Variants in PPM1A observed in about 807,000 individuals in gnomAD.
PPM1A encodes the protein protein phosphatase, Mg2+/Mn2+ dependent 1A.
In PPM1A, 7 loss-of-function variants were observed where a neutral mutation model predicts 35.0. The ratio of observed to expected loss-of-function variants is 0.20; its 90% CI spans 0.11 to 0.38. The LOEUF is 0.38. Ranked by LOEUF, PPM1A falls within the 10% of genes least tolerant of loss-of-function variation. The pLI, the probability that PPM1A is intolerant of heterozygous loss-of-function variation, is 1.00. For missense variants in PPM1A, 239 were observed against 467.8 expected (o/e 0.51, Z 4.51); for synonymous variants, 153 against 167.3 (o/e 0.91, Z 0.66).
Position 60,298,397 on chromosome 14 carries a change from A to G in PPM1A, c.*5915A>G, listed in dbSNP as rs1447976891. The G allele has an allele frequency of 1.3e-5, 2 of 151,924 alleles. No individual in the cohort carries two copies. Among genetic ancestry groups the G allele is most frequent in the East Asian group, 3.9e-4 (2 of 5,180 alleles). The allele number at this position is 151,924 out of a possible 1,614,324, so 9.4% of individuals were successfully genotyped here. On this transcript the variant is annotated 3_prime_UTR_variant, in exon 6 of 6. Transcript: ENST00000395076. The stretch of plus-strand genomic sequence containing the variant: ...TACTAATTCAGGATGTTAAAATAAC[A>G]TCCAAGTCGGACAACCACCACCAAT...
chr14:60,282,808 A>G lies in PPM1A; in HGVS notation c.105A>G (p.Glu35=), dbSNP rs1161549579. ...GLSSMQGWRV[E]MEDAHTAVIG... Reference sequence around the variant, plus strand: ...GCAGCATGCAAGGCTGGCGTGTTGAAATGGAGGATGCACATACGGCTGTGA... The same window carrying G: ...GCAGCATGCAAGGCTGGCGTGTTGAGATGGAGGATGCACATACGGCTGTGA... The change falls in exon 2 of 6, where the codon GAA becomes GAG. Residue 35 remains glutamate (E), a synonymous_variant. Transcript: ENST00000395076. This position sits in a 1 kb window ranked among gnomAD's most constrained non-coding sequence, Gnocchi z 5.1. The G allele has an allele frequency of 6.2e-7, 1 of 1,614,074 alleles. No individual in the cohort carries two copies. Among genetic ancestry groups the G allele is most frequent in the Non-Finnish European group, 8.5e-7 (1 of 1,180,054 alleles).
chr14:60,268,247 G>T, intron 1 of PPM1A: 1 of 971,924 alleles, frequency 1.0e-6, no homozygotes, highest in African/African-American at 1.8e-5. Flanking sequence ...GAGCTCTGAA[G>T]TTTTTTGAGG....
chr14:60,271,291 A>C (rs887646017), intron 1 of PPM1A, among the ~76,000 whole-genome samples: 1 of 152,234 alleles, frequency 6.6e-6, no homozygotes, highest in Admixed American at 6.5e-5. Flanking sequence ...TGGATAATCC[A>C]GGATCCTCTC....
chr14:60,270,555 G>A (rs1285102103), intron 1 of PPM1A, among the ~76,000 whole-genome samples: 1 of 152,010 alleles, frequency 6.6e-6, no homozygotes, highest in Non-Finnish European at 1.5e-5. Context: ...ATTATACTAG[G>A]ATACCATTAC....
intron 1 of PPM1A, chr14:60,277,164 T>G (rs942283960): frequency 2.3e-6 from 1 of 430,002 alleles, no homozygotes; most frequent in African/African-American, 2.1e-5. Flanking sequence ...TGGGATTTAC[T>G]ATTTATGGAT....
rs1273967523 is a variant in PPM1A, at chr14:60,294,043, A to G, written c.*1561A>G. The G allele has an allele frequency of 6.6e-6, 1 of 151,942 alleles. No individual in the cohort carries two copies. Among genetic ancestry groups the G allele is most frequent in the South Asian group, 2.1e-4 (1 of 4,836 alleles). 9.4% of individuals were successfully genotyped at this position (151,942 alleles called of 1,614,324 possible). On this transcript the variant is annotated 3_prime_UTR_variant, in exon 6 of 6. Coordinates refer to ENST00000395076, the MANE Select transcript of PPM1A (RefSeq NM_021003.5). ...AAAACTGTTGAAATGTAAGACTAAAATACAACATTGAATACAAAATCAAAA... is the reference window on the plus strand; with the variant it reads ...AAAACTGTTGAAATGTAAGACTAAAGTACAACATTGAATACAAAATCAAAA...
rs1270431124 is a variant in PPM1A at position 60,273,079 on chromosome 14, C to G, written c.-20-9605C>G. Among the ~76,000 whole-genome samples, 3 of 152,294 alleles carry G rather than the reference C, an allele frequency of 2.0e-5. No individual in the cohort carries two copies. In the East Asian group the frequency reaches 5.8e-4, roughly 29 times the overall value. ...TCTCATTTCTTTGATGATAGCTTCT[C>G]TGTTTCTCCTTCAGAAAGTCTTGTT... On this transcript the variant is annotated intron_variant, in intron 1 of 5. Transcript: ENST00000395076. The surrounding 1 kb of genome is among the most constrained non-coding windows in gnomAD (Gnocchi z 4.3).
chr14:60,290,549 A>T (rs1456092180), intron 4 of PPM1A, among the ~76,000 whole-genome samples: 25 of 152,204 alleles, frequency 1.6e-4, no homozygotes, highest in Admixed American at 1.6e-3. Flanking sequence ...TACCTCAAAT[A>T]TCCATATAAT....
intron 1 of PPM1A, among the ~76,000 whole-genome samples, chr14:60,263,241 AG>A (rs1427702086): frequency 1.3e-5 from 2 of 152,218 alleles, no homozygotes; most frequent in South Asian, 2.1e-4. Flanking sequence ...CTGGGCTTCA[AG>A]GGCACTCTAA....
At chr14:60,287,039 G>T in intron 3 of PPM1A, 1 of 935,772 alleles carries the variant, frequency 1.1e-6, no homozygotes, top group South Asian at 4.9e-5. Context: ...AGAATAATAT[G>T]TATAGGGATA....
chr14:60,269,589 C>T (rs1489353441), intron 1 of PPM1A, among the ~76,000 whole-genome samples: 1 of 152,052 alleles, frequency 6.6e-6, no homozygotes, highest in Non-Finnish European at 1.5e-5. Flanking sequence ...TGCTCTGTCA[C>T]CCAGGCTGGA....
intron 1 of PPM1A, among the ~76,000 whole-genome samples, chr14:60,257,816 A>ATT (rs149475912): frequency 6.6e-6 from 1 of 152,066 alleles, no homozygotes; most frequent in Non-Finnish European, 1.5e-5. Context: ...ATGGCTATAT[A>ATT]TTTTTTTGTT....
chr14:60,250,464 A>C, intron 1 of PPM1A: 20 of 979,186 alleles, frequency 2.0e-5, no homozygotes, highest in Non-Finnish European at 2.2e-5. Flanking sequence ...ATACGTTTTG[A>C]AAATTTCATC....
intron 1 of PPM1A, among the ~76,000 whole-genome samples, chr14:60,267,019 C>G (rs1360607685): frequency 2.0e-5 from 3 of 152,068 alleles, no homozygotes; most frequent in Admixed American, 2.0e-4. Flanking sequence ...TAAGTGATTA[C>G]TGTTAATCAT....
At chr14:60,246,131 A>C (rs939924308), upstream of PPM1A, 1 of 1,302,968 alleles carries the variant, frequency 7.7e-7, no homozygotes, top group Non-Finnish European at 1.0e-6. Context: ...GTGGAAAAGG[A>C]TGGTGAGGGG....
intron 1 of PPM1A, among the ~76,000 whole-genome samples, chr14:60,281,029 GATA>G (rs1180410486): frequency 1.3e-5 from 2 of 152,080 alleles, no homozygotes; most frequent in Non-Finnish European, 2.9e-5. Context: ...ATAAATTGGA[GATA>G]ATATTATTAT....
In PPM1A at chr14:60,249,503, C is replaced by G. The variant is rs1330509618; in HGVS notation, c.-195C>G. On this transcript the variant is annotated 5_prime_UTR_variant, in exon 1 of 6. Coordinates refer to ENST00000395076, the MANE Select transcript of PPM1A (RefSeq NM_021003.5). This position sits in a 1 kb window ranked among gnomAD's most constrained non-coding sequence, Gnocchi z 4.5. ...GCGAGGGCGCCGACAGCCGGGGGCC[C>G]GGACGCAGCCCGGCTCCTCCCCTCC... The G allele has an allele frequency of 2.0e-4, 201 of 985,066 alleles. No homozygotes were observed. Among genetic ancestry groups the G allele is most frequent in the Non-Finnish European group, 2.4e-4 (196 of 829,866 alleles). The allele number at this position is 985,066 out of a possible 1,614,324, so 61.0% of individuals were successfully genotyped here.
Position 60,293,110 on chromosome 14 carries a change from C to A in PPM1A, c.*628C>A, listed in dbSNP as rs1388594501. The A allele has an allele frequency of 6.6e-6, 1 of 152,010 alleles. No individual in the cohort carries two copies. The highest frequency in any genetic ancestry group is 2.4e-5 in the African/African-American group (1 of 41,338). 9.4% of individuals were successfully genotyped at this position (152,010 alleles called of 1,614,324 possible). On this transcript the variant is annotated 3_prime_UTR_variant, in exon 6 of 6. Coordinates refer to ENST00000395076, the MANE Select transcript of PPM1A (RefSeq NM_021003.5). The surrounding 1 kb of genome is among the most constrained non-coding windows in gnomAD (Gnocchi z 4.0). ...TTTCAGGATGTTCCTTCGTTGTTTC[C>A]ATGAGTATTGCAGGTAATAATACAG...
rs961276157 is a variant in PPM1A at position 60,294,731 on chromosome 14, T to C, written c.*2249T>C. On this transcript the variant is annotated 3_prime_UTR_variant, in exon 6 of 6. Coordinates refer to ENST00000395076, the MANE Select transcript of PPM1A (RefSeq NM_021003.5). ...ATTTAGAGCCTTTTTTTTTTGAGTC[T>C]TTAAACAAGAGAAAATTAAAATATT... 2 of 151,704 alleles carry C rather than the reference T, an allele frequency of 1.3e-5. No homozygotes were observed. The highest frequency in any genetic ancestry group is 4.8e-5 in the African/African-American group (2 of 41,380). 9.4% of individuals were successfully genotyped at this position (151,704 alleles called of 1,614,324 possible).
Sources: allele counts gnomAD v4.1 joint callset (sites outside exome capture counted in the v4.1 genomes callset), GRCh38; gene constraint gnomAD v4.1.1; non-coding constraint Gnocchi (gnomAD v3.1); transcripts MANE v1.5; gene names NCBI Gene and HGNC (gene_info 2026-07-23, HGNC 2026-07-21).